SPMIP6: variants seen among roughly 807,000 people sequenced by gnomAD.
SPMIP6 encodes the protein sperm microtubule inner protein 6.
the SPMIP6 span, among the ~76,000 whole-genome samples, chr9:34,395,842 A>G: frequency 6.6e-6 from 1 of 152,250 alleles, no homozygotes; most frequent in African/African-American, 2.4e-5. Context: ...ATGGTGACCA[A>G]AATCTGTTCA....
At chr9:34,391,947 A>AGT in the SPMIP6 span, among the ~76,000 whole-genome samples, 84,582 of 151,708 alleles carry the variant, frequency 0.56, 23,966 homozygotes, top group Non-Finnish European at 0.61. Flanking sequence ...CAGTAATTGT[A>AGT]GTGTTACAAT....
At chr9:34,397,561 T>C in the SPMIP6 span, 1 of 1,613,534 alleles carries the variant, frequency 6.2e-7, no homozygotes, top group Non-Finnish European at 8.5e-7. Context: ...ACCTCCTTGA[T>C]GGAGGTGGGA....
the SPMIP6 span, among the ~76,000 whole-genome samples, chr9:34,388,914 T>G: frequency 1.3e-5 from 2 of 150,134 alleles, no homozygotes; most frequent in East Asian, 4.0e-4. Context: ...TGTCTTTACA[T>G]TTCTTTCCTC....
the SPMIP6 span, chr9:34,385,776 C>G: frequency 6.2e-7 from 1 of 1,612,824 alleles, no homozygotes; most frequent in South Asian, 1.1e-5. Context: ...TGGTATGAGT[C>G]AGACCCTGGG....
chr9:34,381,340 C>G, the SPMIP6 span: 2 of 1,613,760 alleles, frequency 1.2e-6, no homozygotes, highest in Non-Finnish European at 8.5e-7. This position sits in a 1 kb window ranked among gnomAD's most constrained non-coding sequence, Gnocchi z 4.4. Context: ...TCCACCCGTT[C>G]TTTCCAACGC....
the SPMIP6 span, among the ~76,000 whole-genome samples, chr9:34,396,505 C>T: frequency 1.3e-5 from 2 of 152,286 alleles, no homozygotes; most frequent in South Asian, 2.1e-4. Flanking sequence ...AACCATGACT[C>T]TCCCTCCCAG....
chr9:34,380,673 G>T, the SPMIP6 span: 1 of 1,544,134 alleles, frequency 6.5e-7, no homozygotes, highest in African/African-American at 1.4e-5. Flanking sequence ...AGGGACAGGG[G>T]TCGGGGACTT....
chr9:34,386,724 C>A, the SPMIP6 span, among the ~76,000 whole-genome samples: 2 of 152,312 alleles, frequency 1.3e-5, no homozygotes, highest in African/African-American at 4.8e-5. Flanking sequence ...TGACACTTTT[C>A]CTGTTCTTGG....
chr9:34,381,869 G>T, the SPMIP6 span: 2 of 802,892 alleles, frequency 2.5e-6, no homozygotes, highest in Non-Finnish European at 3.0e-6. The surrounding 1 kb of genome is among the most constrained non-coding windows in gnomAD (Gnocchi z 4.4). Context: ...CCCAGGGTCA[G>T]CCATCAGCCT....
the SPMIP6 span, chr9:34,381,097 C>G: frequency 6.2e-7 from 1 of 1,608,084 alleles, no homozygotes; most frequent in Non-Finnish European, 8.5e-7. The surrounding 1 kb of genome is among the most constrained non-coding windows in gnomAD (Gnocchi z 4.4). Context: ...GGTTCCGCGA[C>G]AGTGAGTTCA....
At chr9:34,397,283 T>TTTC in the SPMIP6 span, among the ~76,000 whole-genome samples, 2 of 152,268 alleles carry the variant, frequency 1.3e-5, no homozygotes, top group Non-Finnish European at 2.9e-5. Flanking sequence ...CTCATGTTTA[T>TTTC]TTCTTATTAT....
chr9:34,383,373 A>C, the SPMIP6 span, among the ~76,000 whole-genome samples: 1 of 152,194 alleles, frequency 6.6e-6, no homozygotes, highest in Non-Finnish European at 1.5e-5. Flanking sequence ...AAATACAAAA[A>C]TTAGTTGGGC....
the SPMIP6 span, among the ~76,000 whole-genome samples, chr9:34,388,166 G>A: frequency 5.7e-5 from 8 of 139,820 alleles, no homozygotes; most frequent in Non-Finnish European, 1.2e-4. Context: ...TTTAGATGGA[G>A]TTTCGCTCTT....
the SPMIP6 span, among the ~76,000 whole-genome samples, chr9:34,394,056 A>C: frequency 2.0e-5 from 3 of 152,340 alleles, no homozygotes; most frequent in East Asian, 5.8e-4. Flanking sequence ...TCTTGGCCTC[A>C]AGTGATCTTC....
At chr9:34,379,235 T>C in the SPMIP6 span, 5 of 1,084,774 alleles carry the variant, frequency 4.6e-6, no homozygotes, top group Non-Finnish European at 4.3e-6. The surrounding 1 kb of genome is among the most constrained non-coding windows in gnomAD (Gnocchi z 4.2). Context: ...AAAGTGAATA[T>C]CTGACTCCAG....
At chr9:34,381,728 G>T in the SPMIP6 span, 4 of 1,331,626 alleles carry the variant, frequency 3.0e-6, no homozygotes, top group African/African-American at 1.5e-5. This position sits in a 1 kb window ranked among gnomAD's most constrained non-coding sequence, Gnocchi z 4.4. Flanking sequence ...ACCCCTCTTT[G>T]TCTAGCTGAC....
At chr9:34,390,212 A>G in the SPMIP6 span, among the ~76,000 whole-genome samples, 1 of 151,924 alleles carries the variant, frequency 6.6e-6, no homozygotes, top group Non-Finnish European at 1.5e-5. Flanking sequence ...CCTTGCCTTG[A>G]TTCCAATTTT....
At chr9:34,390,793 A>G in the SPMIP6 span, among the ~76,000 whole-genome samples, 1 of 151,926 alleles carries the variant, frequency 6.6e-6, no homozygotes, top group East Asian at 1.9e-4. Context: ...CTAATTTTTA[A>G]ATTTTTTTGT....
chr9:34,381,756 G>A, the SPMIP6 span: 22 of 985,274 alleles, frequency 2.2e-5, no homozygotes, highest in African/African-American at 3.7e-4. This position sits in a 1 kb window ranked among gnomAD's most constrained non-coding sequence, Gnocchi z 4.4. Flanking sequence ...AGCTGTGTCT[G>A]GGTGTCTCTC....
Sources: allele counts gnomAD v4.1 joint callset (sites outside exome capture counted in the v4.1 genomes callset), GRCh38; gene constraint gnomAD v4.1.1; non-coding constraint Gnocchi (gnomAD v3.1); transcripts MANE v1.5; gene names NCBI Gene and HGNC (gene_info 2026-07-23, HGNC 2026-07-21).